Variants in DNAH8 observed in about 807,000 individuals in gnomAD.
The protein encoded by DNAH8 is dynein axonemal heavy chain 8.
Under a neutral mutation model 562.1 loss-of-function variants are expected in DNAH8, and 382 were observed. The observed-to-expected ratio is 0.68, with a 90% CI of 0.63 to 0.74. The LOEUF (loss-of-function observed/expected upper bound fraction) is 0.74, where lower values mean the gene tolerates loss of function less well. Ranked by LOEUF, DNAH8 falls within the 30% of genes least tolerant of loss-of-function variation. The probability of loss-of-function intolerance (pLI) is 0.00; values close to 1 mark genes in which losing one functional copy is unlikely to be tolerated. For synonymous variants in DNAH8, 1,881 were observed against 1,919.4 expected (o/e 0.98, Z 0.52); for missense variants, 5,203 against 5,620.4 (o/e 0.93, Z 2.37).
intron 58 of DNAH8, among the ~76,000 whole-genome samples, chr6:38,894,155 T>G (rs1041996229): frequency 6.6e-6 from 1 of 152,094 alleles, no homozygotes; most frequent in African/African-American, 2.4e-5. Context: ...GACTGTTGAC[T>G]GAGTTTGGAT....
At chr6:38,839,408 C>T (rs1774583591) in intron 33 of DNAH8, among the ~76,000 whole-genome samples, 1 of 150,550 alleles carries the variant, frequency 6.6e-6, no homozygotes, top group South Asian at 2.1e-4. Flanking sequence ...CACTCTGTTG[C>T]TAGTACTGGA....
At chr6:38,926,950 C>T (rs181145681) in intron 74 of DNAH8, among the ~76,000 whole-genome samples, 1,960 of 152,292 alleles carry the variant, frequency 0.013, 35 homozygotes, top group Middle Eastern at 0.037. Flanking sequence ...TGTTTGCACT[C>T]ATGTTGTGGA....
rs753808577 is a variant in DNAH8, at chr6:38,857,752, C to CT, written c.5958+19dup. 2.0e-4 allele frequency: 301 copies of CT among 1,539,160 alleles called. No individual in the cohort carries two copies. Among genetic ancestry groups the CT allele is most frequent in the African/African-American group, 5.1e-4 (37 of 72,398 alleles). On this transcript the variant is annotated intron_variant, in intron 42 of 92. Coordinates refer to ENST00000327475, the MANE Select transcript of DNAH8 (RefSeq NM_001206927.2). ...TATTTTTGATGACTTGGTAAGGTATCTTTTTTTTTAATTTAGTGTACTAAC... is the reference window on the plus strand; with the variant it reads ...TATTTTTGATGACTTGGTAAGGTATCTTTTTTTTTTAATTTAGTGTACTAAC...
intron 82 of DNAH8, among the ~76,000 whole-genome samples, chr6:38,960,288 T>C (rs1383317193): frequency 2.0e-5 from 3 of 151,986 alleles, no homozygotes; most frequent in East Asian, 3.9e-4. Flanking sequence ...GCTACAAAGC[T>C]TTTGCATGGC....
chr6:38,981,148 T>C (rs1289744542), intron 85 of DNAH8, among the ~76,000 whole-genome samples: 1 of 151,960 alleles, frequency 6.6e-6, no homozygotes, highest in Non-Finnish European at 1.5e-5. Context: ...CATAGATGTA[T>C]AGGGATTCTA....
chr6:38,857,654 C>G lies in DNAH8; in HGVS notation c.5870C>G (p.Thr1957Arg). 1 of 1,613,544 alleles carries G rather than the reference C, an allele frequency of 6.2e-7. No homozygotes were observed. Among genetic ancestry groups the G allele is most frequent in the Non-Finnish European group, 8.5e-7 (1 of 1,179,564 alleles). Residue 1957 changes from threonine to arginine, a missense_variant, in exon 42 of 93, where the codon ACA (threonine) becomes AGA (arginine). Thr to Arg is a moderately conservative substitution (Grantham distance 71). Around this residue, in one of 6 missense-constraint regions of DNAH8, gnomAD observed 2,176 missense variants for 2,365.1 expected, o/e 0.92. Transcript: ENST00000327475. ...LDILNTLISQTTHDLSKFDRV... is the reference protein window; with the variant it reads ...LDILNTLISQRTHDLSKFDRV... ...ATTCTAAATACTCTCATTAGTCAGA[C>G]AACACATGATCTAAGCAAGTTTGAT... is the stretch of plus-strand genomic sequence containing the variant.
intron 73 of DNAH8, among the ~76,000 whole-genome samples, chr6:38,924,461 G>A (rs1334140152): frequency 6.6e-6 from 1 of 151,650 alleles, no homozygotes; most frequent in African/African-American, 2.4e-5. Flanking sequence ...CCGAGATCAC[G>A]CCACTCCACT....
At chr6:38,841,826 T>C (rs1490943818) in intron 33 of DNAH8, among the ~76,000 whole-genome samples, 1 of 152,084 alleles carries the variant, frequency 6.6e-6, no homozygotes, top group Non-Finnish European at 1.5e-5. Flanking sequence ...CAAGCAGTCC[T>C]TTCACATCAG....
chr6:38,896,577 A>G (rs1779703016), intron 60 of DNAH8, among the ~76,000 whole-genome samples: 1 of 149,674 alleles, frequency 6.7e-6, no homozygotes, highest in African/African-American at 2.5e-5. Flanking sequence ...CCTGTCTCAA[A>G]AAAACAAACA....
intron 88 of DNAH8, among the ~76,000 whole-genome samples, chr6:38,994,005 A>G (rs1323572462): frequency 1.3e-5 from 2 of 152,154 alleles, no homozygotes; most frequent in East Asian, 3.9e-4. Flanking sequence ...ATAGGGTTAT[A>G]CTGTTTTGTA....
intron 88 of DNAH8, among the ~76,000 whole-genome samples, chr6:39,000,303 G>C (rs1765404500): frequency 6.6e-6 from 1 of 152,150 alleles, no homozygotes; most frequent in Non-Finnish European, 1.5e-5. Context: ...AGGTGGAGGA[G>C]CAATCAATTC....
intron 92 of DNAH8, among the ~76,000 whole-genome samples, chr6:39,028,250 T>C (rs1767424546): frequency 1.3e-5 from 2 of 152,220 alleles, no homozygotes; most frequent in Admixed American, 1.3e-4. Context: ...TCTGTGTTCC[T>C]TTCCAAAGGC....
chr6:38,798,764 G>A (rs1770523181), intron 21 of DNAH8, among the ~76,000 whole-genome samples: 1 of 152,208 alleles, frequency 6.6e-6, no homozygotes, highest in African/African-American at 2.4e-5. Context: ...CAGGGTTGGA[G>A]TTGAGGCACA....
chr6:38,985,752 T>C (rs186572216), intron 87 of DNAH8, among the ~76,000 whole-genome samples: 12 of 152,370 alleles, frequency 7.9e-5, no homozygotes, highest in African/African-American at 2.6e-4. Flanking sequence ...GCATCATAGA[T>C]GGTTTTCCTG....
chr6:38,897,345 G>A (rs891179106), intron 60 of DNAH8, among the ~76,000 whole-genome samples: 2 of 152,202 alleles, frequency 1.3e-5, no homozygotes, highest in African/African-American at 4.8e-5. Flanking sequence ...GGGGTGAGTA[G>A]AGACTGAATG....
At chr6:38,744,686 G>A (rs562616188) in intron 8 of DNAH8, among the ~76,000 whole-genome samples, 73 of 152,110 alleles carry the variant, frequency 4.8e-4, no homozygotes, top group African/African-American at 1.7e-3. Flanking sequence ...TCGACCTCCC[G>A]GGCTCAAGTG....
At position 38,892,684 on chromosome 6, in the gene DNAH8, C is replaced by T. The variant is rs555432817; in HGVS notation, c.8583+1923C>T. On this transcript the variant is annotated intron_variant, in intron 58 of 92. Transcript: ENST00000327475. ...TCTTCTTGCTCTCTTGGAGTCTGTT[C>T]TTTTCACAGTCCTAGATGATATTTT... 3.3e-5 allele frequency among the ~76,000 whole-genome samples: 5 copies of T among 152,272 alleles called. No homozygotes were observed. The East Asian group carries it at 9.7e-4, about 29-fold the overall frequency.
intron 88 of DNAH8, among the ~76,000 whole-genome samples, chr6:39,000,194 C>T (rs759690817): frequency 2.0e-5 from 3 of 152,112 alleles, no homozygotes; most frequent in Non-Finnish European, 2.9e-5. Flanking sequence ...GCTCTTGGAG[C>T]GCATCATCTG....
chr6:38,935,672 C>T lies in DNAH8; in HGVS notation c.11538C>T (p.Leu3846=). The T allele has an allele frequency of 3.1e-6, 5 of 1,611,362 alleles. No individual in the cohort carries two copies. Among genetic ancestry groups the T allele is most frequent in the Non-Finnish European group, 4.2e-6 (5 of 1,178,646 alleles). ...AGATGAAAGAACTTGAAGATAACCTCCTCTATAAATTAAGTGCTACAAAAG... is the reference window on the plus strand; with the variant it reads ...AGATGAAAGAACTTGAAGATAACCTTCTCTATAAATTAAGTGCTACAAAAG... The part of the protein sequence containing the change: ...KRKMKELEDN[L]LYKLSATKGS... Residue 3846 remains leucine, a synonymous_variant, in exon 77 of 93, where the codon CTC becomes CTT. Coordinates refer to ENST00000327475, the MANE Select transcript of DNAH8 (RefSeq NM_001206927.2).
Sources: allele counts gnomAD v4.1 joint callset (sites outside exome capture counted in the v4.1 genomes callset), GRCh38; gene constraint gnomAD v4.1.1; regional missense constraint gnomAD v4.1.1; transcripts MANE v1.5; gene names NCBI Gene and HGNC (gene_info 2026-07-23, HGNC 2026-07-21).